ARB2A: variants seen among roughly 807,000 people sequenced by gnomAD.
ARB2A encodes the protein cotranscriptional regulator ARB2A.
At chr5:93,667,919 T>G in the ARB2A span, among the ~76,000 whole-genome samples, 7 of 152,164 alleles carry the variant, frequency 4.6e-5, no homozygotes, top group Non-Finnish European at 1.0e-4. Context: ...TTTAAAGAGA[T>G]AAAGTTTGGA....
the ARB2A span, among the ~76,000 whole-genome samples, chr5:93,894,410 A>T: frequency 7.3e-6 from 1 of 137,294 alleles, no homozygotes. Context: ...TTTTAATATT[A>T]AAAAAAAAAG....
the ARB2A span, among the ~76,000 whole-genome samples, chr5:93,719,439 TC>T: frequency 2.0e-5 from 3 of 152,358 alleles, no homozygotes; most frequent in South Asian, 4.1e-4. Context: ...GTCATTCTCA[TC>T]TTTTTGCACT....
At chr5:93,871,042 G>C in the ARB2A span, among the ~76,000 whole-genome samples, 1 of 152,182 alleles carries the variant, frequency 6.6e-6, no homozygotes, top group African/African-American at 2.4e-5. Context: ...GTATTTTCTT[G>C]TAAATGAACA....
At chr5:93,839,482 A>AT in the ARB2A span, among the ~76,000 whole-genome samples, 2 of 151,810 alleles carry the variant, frequency 1.3e-5, no homozygotes, top group Non-Finnish European at 2.9e-5. Flanking sequence ...ATTGGCTTGA[A>AT]TTTTTTTGTT....
the ARB2A span, among the ~76,000 whole-genome samples, chr5:93,930,691 C>A: frequency 0.11 from 16,026 of 152,140 alleles, 974 homozygotes; most frequent in Middle Eastern, 0.16. Flanking sequence ...GAAAAACCCT[C>A]TTCTTGTTTT....
At chr5:94,016,155 T>C in the ARB2A span, among the ~76,000 whole-genome samples, 5 of 152,086 alleles carry the variant, frequency 3.3e-5, no homozygotes, top group African/African-American at 1.2e-4. Context: ...TCAGATAAAA[T>C]AGACTACAAA....
chr5:93,832,201 C>T, the ARB2A span, among the ~76,000 whole-genome samples: 2 of 152,094 alleles, frequency 1.3e-5, no homozygotes, highest in Non-Finnish European at 2.9e-5. Flanking sequence ...TGGAATATGG[C>T]GTGTTAACTT....
At chr5:93,755,646 G>T in the ARB2A span, among the ~76,000 whole-genome samples, 12 of 152,196 alleles carry the variant, frequency 7.9e-5, no homozygotes, top group African/African-American at 2.9e-4. Flanking sequence ...TGCTGGAGAA[G>T]TTTCCAACCT....
chr5:93,808,445 C>A, the ARB2A span, among the ~76,000 whole-genome samples: 1 of 145,244 alleles, frequency 6.9e-6, no homozygotes, highest in African/African-American at 2.5e-5. Context: ...AGTTTTTGAA[C>A]AAAGAAAAAA....
At chr5:93,874,430 A>G in the ARB2A span, among the ~76,000 whole-genome samples, 2 of 152,098 alleles carry the variant, frequency 1.3e-5, no homozygotes, top group African/African-American at 4.8e-5. Context: ...GGAAGGGGAG[A>G]GCTTCCAGGT....
chr5:93,981,335 CTAGGATTA>C, the ARB2A span, among the ~76,000 whole-genome samples: 6 of 152,024 alleles, frequency 3.9e-5, 1 homozygote, highest in East Asian at 9.7e-4. Flanking sequence ...TCCCAAAGTG[CTAGGATTA>C]TAGGCATGAG....
the ARB2A span, among the ~76,000 whole-genome samples, chr5:94,044,642 C>T: frequency 6.6e-6 from 1 of 152,002 alleles, no homozygotes; most frequent in African/African-American, 2.4e-5. Context: ...GAGGCTGAGA[C>T]CTACTGGGCT....
the ARB2A span, among the ~76,000 whole-genome samples, chr5:93,921,175 A>G: frequency 6.6e-6 from 1 of 151,680 alleles, no homozygotes; most frequent in East Asian, 1.9e-4. Context: ...AAAAAAAAAA[A>G]AAGGAAATTC....
chr5:93,665,722 C>T, the ARB2A span, among the ~76,000 whole-genome samples: 1 of 152,120 alleles, frequency 6.6e-6, no homozygotes, highest in Admixed American at 6.5e-5. Context: ...GACATCATAG[C>T]GTGTCTGATA....
At chr5:93,831,283 C>T in the ARB2A span, among the ~76,000 whole-genome samples, 1 of 125,178 alleles carries the variant, frequency 8.0e-6, no homozygotes, top group Non-Finnish European at 1.6e-5. Flanking sequence ...TTGCTCTGAT[C>T]AAGCCACTCC....
chr5:93,820,362 G>C, the ARB2A span, among the ~76,000 whole-genome samples: 1 of 152,042 alleles, frequency 6.6e-6, no homozygotes, highest in Admixed American at 6.6e-5. Context: ...GGAAAGATAA[G>C]AGCAAAACAC....
chr5:93,664,678 T>G, the ARB2A span, among the ~76,000 whole-genome samples: 1 of 149,840 alleles, frequency 6.7e-6, no homozygotes, highest in Admixed American at 6.7e-5. Context: ...TCTTATAATG[T>G]GACAAATATA....
At chr5:93,792,922 A>T in the ARB2A span, among the ~76,000 whole-genome samples, 2 of 152,116 alleles carry the variant, frequency 1.3e-5, no homozygotes, top group Non-Finnish European at 2.9e-5. Flanking sequence ...TATATAGATT[A>T]TCTCATTAGA....
At chr5:94,012,737 A>C in the ARB2A span, among the ~76,000 whole-genome samples, 1 of 152,170 alleles carries the variant, frequency 6.6e-6, no homozygotes, top group East Asian at 1.9e-4. Flanking sequence ...TAATGAAAAG[A>C]CTGTTATCAA....
Sources: gnomAD v4.1 joint callset for allele counts (sites outside exome capture counted in the v4.1 genomes callset) on GRCh38, gnomAD v4.1.1 for gene constraint, MANE v1.5 for transcripts, NCBI Gene and HGNC (gene_info 2026-07-23, HGNC 2026-07-21) for gene names.